Variants in ACSBG2 observed in about 807,000 individuals in gnomAD.
The protein encoded by ACSBG2 is long-chain-fatty-acid--CoA ligase ACSBG2.
In ACSBG2, 62 loss-of-function variants were observed where a neutral mutation model predicts 74.7. That is an observed-to-expected ratio of 0.83 (90% CI 0.68 to 1.03). ACSBG2 has a LOEUF of 1.03. Among genes scored for constraint, ACSBG2 ranks in the 50% least tolerant of loss-of-function variants. ACSBG2 has a pLI of 0.00. For synonymous variants in ACSBG2, 309 were observed against 294.1 expected, an observed-to-expected ratio of 1.05 and a Z score of -0.52; for missense variants, 730 against 817.6, an observed-to-expected ratio of 0.89 and a Z score of 1.31.
chr19:6,155,960 C>A, intron 4 of ACSBG2, among the ~76,000 whole-genome samples: 1 of 147,800 alleles, frequency 6.8e-6, no homozygotes, highest in Admixed American at 6.8e-5. Context: ...AAGATTTCAA[C>A]AGAAATGCCA....
chr19:6,142,901 G>A (rs1041906221), intron 2 of ACSBG2, among the ~76,000 whole-genome samples: 7 of 152,074 alleles, frequency 4.6e-5, no homozygotes, highest in Middle Eastern at 3.2e-3. Flanking sequence ...ACCTTTATGG[G>A]TCCAAAGGGT....
chr19:6,165,680 C>T (rs868178811), intron 6 of ACSBG2, among the ~76,000 whole-genome samples, 186 bp from the exon 7 acceptor site: 3 of 152,146 alleles, frequency 2.0e-5, no homozygotes, highest in South Asian at 2.1e-4. Context: ...GGTGACGCTG[C>T]GAGGAAGTGG....
At chr19:6,178,993 T>G (rs2090166738) in intron 8 of ACSBG2, among the ~76,000 whole-genome samples, 1 of 152,200 alleles carries the variant, frequency 6.6e-6, no homozygotes, top group Non-Finnish European at 1.5e-5. Flanking sequence ...AGATAGTCAT[T>G]GGCTGTGGGC....
chr19:6,151,091 G>A (rs2089223394), intron 3 of ACSBG2, among the ~76,000 whole-genome samples: 1 of 146,734 alleles, frequency 6.8e-6, no homozygotes, highest in Non-Finnish European at 1.5e-5. Flanking sequence ...TCCAGCCTTG[G>A]CAACAGAGTG....
intron 2 of ACSBG2, among the ~76,000 whole-genome samples, chr19:6,145,631 A>G (rs1455484376): frequency 6.6e-6 from 1 of 152,090 alleles, no homozygotes; most frequent in Non-Finnish European, 1.5e-5. Flanking sequence ...GTAGTGAGAA[A>G]CACACAACAA....
Position 6,156,503 on chromosome 19 carries a change from G to T in ACSBG2, c.459G>T (p.Val153=). Residue 153 remains valine, a synonymous_variant, in exon 5 of 15, where the codon GTG becomes GTT. Coordinates refer to ENST00000588485, the MANE Select transcript of ACSBG2 (RefSeq NM_030924.5). The part of the protein sequence containing the change: ...VCQYVITHAK[V]NILLVENDQQ... ...AATATGTCATCACTCATGCCAAAGT[G>T]AACATCTTGCTGGTTGAGAATGATC... 1 of 1,595,904 alleles carries T rather than the reference G, an allele frequency of 6.3e-7. No individual in the cohort carries two copies.
intron 11 of ACSBG2, 61 bp downstream of exon 11, chr19:6,185,714 G>T: frequency 6.3e-7 from 1 of 1,576,686 alleles, no homozygotes; most frequent in Non-Finnish European, 8.7e-7. Context: ...AACATTTAAG[G>T]GCCCAGGGTA....
At chr19:6,151,839 T>C (rs773443267) in intron 4 of ACSBG2, 44 bp downstream of exon 4, 1 of 1,539,032 alleles carries the variant, frequency 6.5e-7, no homozygotes, top group South Asian at 1.2e-5. Context: ...AAGGAGCCGC[T>C]ACCCTGGGCC....
At chr19:6,151,652 G>T in intron 3 of ACSBG2, 55 bp from the exon 4 acceptor site, 1 of 1,498,078 alleles carries the variant, frequency 6.7e-7, no homozygotes, top group Non-Finnish European at 9.1e-7. Context: ...ATATCCTAAT[G>T]ATATAACATC....
At chr19:6,161,523 GA>G in intron 6 of ACSBG2, 1 of 461,136 alleles carries the variant, frequency 2.2e-6, no homozygotes. Flanking sequence ...CGTGAAATGT[GA>G]GCAGAGGGAG....
intron 10 of ACSBG2, among the ~76,000 whole-genome samples, chr19:6,183,624 C>T (rs537318552): frequency 6.6e-6 from 1 of 152,274 alleles, no homozygotes; most frequent in African/African-American, 2.4e-5. Context: ...CCAAGCTCAG[C>T]TTGCCCTAGG....
chr19:6,164,352 G>A (rs933302702), intron 6 of ACSBG2, among the ~76,000 whole-genome samples: 1 of 151,972 alleles, frequency 6.6e-6, no homozygotes, highest in African/African-American at 2.4e-5. Context: ...TGGGCAAAGG[G>A]CTTTGCCTGC....
Position 6,154,660 on chromosome 19 carries a change from C to T in ACSBG2, c.387-1771C>T, listed in dbSNP as rs186783911. 3.6e-3 allele frequency among the ~76,000 whole-genome samples: 546 copies of T among 151,348 alleles called. 5 individuals carry two copies. The highest frequency in any genetic ancestry group is 0.012 in the African/African-American group (494 of 41,264). On this transcript the variant is annotated intron_variant, in intron 4 of 14. Transcript: ENST00000588485. Reference sequence around the variant, plus strand: ...CCAAGTAGCTGGGACTACAGGCGTGCGCCACCATGGCTGGCTAAATTTTGT... The same window carrying T: ...CCAAGTAGCTGGGACTACAGGCGTGTGCCACCATGGCTGGCTAAATTTTGT...
At position 6,151,709 on chromosome 19, in the gene ACSBG2, G is replaced by A. The variant is rs759091102; in HGVS notation, c.300G>A (p.Leu100=). ...TCTGTTTGCTTTTTCCTTCCCAGCT[G>A]GGTTTGGAGCGTTTCCACGGAGTTG... ...CRKAAKSLIK[L]GLERFHGVGI... Residue 100 remains leucine (L), a splice_region_variant and synonymous_variant, in exon 4 of 15, where the codon CTG becomes CTA. Coordinates refer to ENST00000588485, the MANE Select transcript of ACSBG2 (RefSeq NM_030924.5). 4 of 1,595,646 alleles carry A rather than the reference G, an allele frequency of 2.5e-6. No homozygotes were observed. In the East Asian group the frequency reaches 9.0e-5, roughly 36 times the overall value.
At chr19:6,190,810 C>CAT (rs763983787) in intron 14 of ACSBG2, 118 bp downstream of exon 14, 18 of 514,184 alleles carry the variant, frequency 3.5e-5, no homozygotes, top group African/African-American at 1.3e-4. Flanking sequence ...TACACACATA[C>CAT]ATACACACAC....
intron 1 of ACSBG2, among the ~76,000 whole-genome samples, chr19:6,139,753 C>T (rs1034782435): frequency 6.6e-6 from 1 of 152,162 alleles, no homozygotes; most frequent in Non-Finnish European, 1.5e-5. Context: ...TATCTGGAGA[C>T]ATTTTTGATT....
rs756393677 is a variant in ACSBG2, at chr19:6,165,996, T to C, written c.719T>C (p.Val240Ala). The change falls in exon 7 of 15, where the codon GTG becomes GCG. Residue 240 changes from valine to alanine, a missense_variant. Coordinates refer to ENST00000588485, the MANE Select transcript of ACSBG2 (RefSeq NM_030924.5). Reference protein sequence around the residue: ...TSGTTGIPKGVMLSHDNITWI... With the variant: ...TSGTTGIPKGAMLSHDNITWI... ...GGGACCACAGGCATACCCAAGGGAG[T>C]GATGCTCAGTCATGACAACGTACGC... is the stretch of plus-strand genomic sequence containing the variant. The C allele has an allele frequency of 6.2e-7, 1 of 1,613,824 alleles. No individual in the cohort carries two copies. The highest frequency in any genetic ancestry group is 8.5e-7 in the Non-Finnish European group (1 of 1,179,916).
intron 2 of ACSBG2, among the ~76,000 whole-genome samples, chr19:6,142,548 C>T (rs1308646372): frequency 1.3e-5 from 2 of 151,880 alleles, no homozygotes; most frequent in South Asian, 2.1e-4. Flanking sequence ...GTCAGGAGAT[C>T]GAGACCATCC....
intron 10 of ACSBG2, among the ~76,000 whole-genome samples, chr19:6,184,036 C>T (rs963800147): frequency 2.0e-5 from 3 of 152,114 alleles, no homozygotes; most frequent in African/African-American, 7.2e-5. Context: ...TTCCTGGACT[C>T]AAGCAATCCT....
Sources: gnomAD v4.1 joint callset for allele counts (sites outside exome capture counted in the v4.1 genomes callset) on GRCh38, gnomAD v4.1.1 for gene constraint, MANE v1.5 for transcripts, NCBI Gene and HGNC (gene_info 2026-07-23, HGNC 2026-07-21) for gene names.